The following ARMC3 variants were observed in gnomAD, a reference collection of about 807,000 sequenced individuals.
ARMC3 encodes the protein armadillo repeat containing 3, also known as armadillo repeat-containing protein 3.
In ARMC3, 74 loss-of-function variants were observed where a neutral mutation model predicts 90.3. That is an observed-to-expected ratio of 0.82 (90% confidence interval 0.68 to 0.99). The LOEUF (loss-of-function observed/expected upper bound fraction) is 0.99. Among genes scored for constraint, ARMC3 ranks in the 50% least tolerant of loss-of-function variants. The pLI is 0.00. For missense variants in ARMC3, 958 were observed against 1,042.8 expected, an observed-to-expected ratio of 0.92 and a Z score of 1.12; for synonymous variants, 334 against 361.8, an observed-to-expected ratio of 0.92 and a Z score of 0.87.
chr10:23,006,485 C>G (rs1837619808), intron 13 of ARMC3, among the ~76,000 whole-genome samples: 1 of 152,202 alleles, frequency 6.6e-6, no homozygotes, highest in African/African-American at 2.4e-5. Context: ...ACTGCCTGCA[C>G]AGGGCTTTGT....
At chr10:22,978,173 A>G (rs1836014463) in intron 8 of ARMC3, among the ~76,000 whole-genome samples, 1 of 152,146 alleles carries the variant, frequency 6.6e-6, no homozygotes. Context: ...TCCTACCTGT[A>G]TTTCTTGTTG....
chr10:23,009,589 C>T (rs566228736), intron 16 of ARMC3, among the ~76,000 whole-genome samples: 2 of 152,322 alleles, frequency 1.3e-5, no homozygotes, highest in South Asian at 4.2e-4. Flanking sequence ...ACCTCTGCCT[C>T]CCTGGTTCAA....
chr10:23,038,008 T>C lies in ARMC3; in HGVS notation c.*529T>C, dbSNP rs1839185844. On this transcript the variant is annotated 3_prime_UTR_variant, in exon 19 of 19. Transcript: ENST00000298032. ...TTCTAAAAATTTTTGTTTCTATTTTTAAAAATTCATCATTAAAAACACTTT... is the reference window on the plus strand; with the variant it reads ...TTCTAAAAATTTTTGTTTCTATTTTCAAAAATTCATCATTAAAAACACTTT... 1 of 152,264 alleles carries C rather than the reference T, an allele frequency of 6.6e-6. No homozygotes were observed. Among genetic ancestry groups the C allele is most frequent in the African/African-American group, 2.4e-5 (1 of 41,460 alleles). 9.4% of individuals were successfully genotyped at this position (152,264 alleles called of 1,614,324 possible). A position where few individuals can be genotyped will look rare whatever the true frequency, so the allele number is the denominator to read the frequency against.
chr10:22,963,922 C>CAAAAAAAAAAAA (rs35508443), intron 7 of ARMC3, among the ~76,000 whole-genome samples: 1 of 58,562 alleles, frequency 1.7e-5, no homozygotes, highest in Non-Finnish European at 2.9e-5. Context: ...CACACACACA[C>CAAAAAAAAAAAA]AAAAAAAAAA....
At chr10:22,955,043 G>A (rs1834873269) in intron 3 of ARMC3, among the ~76,000 whole-genome samples, 1 of 152,142 alleles carries the variant, frequency 6.6e-6, no homozygotes. Context: ...GAAGATGGAA[G>A]TCCCAGCTCA....
intron 4 of ARMC3, among the ~76,000 whole-genome samples, chr10:22,956,361 C>T (rs547692490): frequency 2.6e-4 from 40 of 152,060 alleles, no homozygotes; most frequent in Admixed American, 1.1e-3. Context: ...TTTAAATGTG[C>T]GTTTACCAAG....
chr10:22,936,416 G>C (rs1482327659), intron 2 of ARMC3, among the ~76,000 whole-genome samples: 2 of 152,146 alleles, frequency 1.3e-5, no homozygotes, highest in African/African-American at 4.8e-5. Flanking sequence ...CGTTTTCATT[G>C]CTGAAGTTCT....
chr10:23,014,194 A>C, intron 16 of ARMC3: 13 of 1,547,408 alleles, frequency 8.4e-6, no homozygotes, highest in Non-Finnish European at 1.1e-5. Context: ...ATTCAGACAC[A>C]ACTGGGCCTT....
chr10:23,010,875 CT>C (rs1837958710), intron 16 of ARMC3, among the ~76,000 whole-genome samples: 1 of 75,914 alleles, frequency 1.3e-5, no homozygotes, highest in Admixed American at 1.2e-4. Flanking sequence ...CTCTCCTCTC[CT>C]TCCCTTTCCC....
intron 16 of ARMC3, among the ~76,000 whole-genome samples, chr10:23,026,548 T>C (rs1221903010): frequency 6.6e-6 from 1 of 151,990 alleles, no homozygotes; most frequent in African/African-American, 2.4e-5. Flanking sequence ...ATGATGTTGA[T>C]AGGATAAAAA....
At chr10:22,978,352 C>A (rs943967537) in intron 8 of ARMC3, among the ~76,000 whole-genome samples, 3 of 152,162 alleles carry the variant, frequency 2.0e-5, no homozygotes, top group Non-Finnish European at 2.9e-5. Context: ...AGTGAATACC[C>A]AGCAAAGGGG....
chr10:22,999,180 A>G (rs4748832), intron 11 of ARMC3, among the ~76,000 whole-genome samples: 130,840 of 152,248 alleles, frequency 0.86, 56,559 homozygotes, highest in Non-Finnish European at 0.88. Context: ...AAAACATACA[A>G]TTGCATTTAT....
intron 1 of ARMC3, among the ~76,000 whole-genome samples, chr10:22,930,660 AG>A (rs1833893291): frequency 3.9e-5 from 6 of 152,206 alleles, no homozygotes; most frequent in Non-Finnish European, 8.8e-5. Flanking sequence ...AATTCTGGTC[AG>A]TGTCTCTAAT....
At chr10:22,996,061 G>T (rs1836936930) in intron 10 of ARMC3, among the ~76,000 whole-genome samples, 1 of 152,086 alleles carries the variant, frequency 6.6e-6, no homozygotes, top group African/African-American at 2.4e-5. Context: ...TTAAGGGGCT[G>T]ATTGCATTAA....
At chr10:22,994,858 C>A (rs1353902188) in intron 10 of ARMC3, among the ~76,000 whole-genome samples, 2 of 152,224 alleles carry the variant, frequency 1.3e-5, no homozygotes, top group Non-Finnish European at 2.9e-5. Flanking sequence ...AGCTTCACCT[C>A]TGTTTACATA....
intron 14 of ARMC3, 82 bp downstream of exon 14, chr10:23,007,063 A>C: frequency 1.7e-6 from 2 of 1,160,402 alleles, no homozygotes; most frequent in Non-Finnish European, 2.4e-6. Flanking sequence ...GTGAATATGC[A>C]AAGATTCCCA....
At chr10:22,988,804 A>G (rs931472843) in intron 10 of ARMC3, among the ~76,000 whole-genome samples, 3 of 152,246 alleles carry the variant, frequency 2.0e-5, no homozygotes, top group African/African-American at 7.2e-5. Flanking sequence ...CCAGTTACAC[A>G]GACCCACTTA....
At chr10:22,949,267 A>C (rs1362039696) in intron 3 of ARMC3, among the ~76,000 whole-genome samples, 1 of 152,222 alleles carries the variant, frequency 6.6e-6, no homozygotes, top group Admixed American at 6.5e-5. Context: ...AAAAATTACC[A>C]GGCATGAAAA....
In ARMC3 at chr10:23,037,376, G is replaced by A. The variant is rs781048593; in HGVS notation, c.2516G>A (p.Gly839Glu). The A allele has an allele frequency of 6.2e-7, 1 of 1,613,972 alleles. No homozygotes were observed. The highest frequency in any genetic ancestry group is 1.3e-5 in the African/African-American group (1 of 75,012). ...LQNDSRKGVI[G>E]GLPAPEMYVI... ...AATGACTCTCGGAAGGGAGTGATTG[G>A]GGGCCTCCCCGCTCCTGAGATGTAC... The change falls in exon 19 of 19, where the codon GGG becomes GAG. Residue 839 changes from glycine (G) to glutamate (E), a missense_variant. By Grantham distance (98) the Gly-to-Glu change is moderately conservative (BLOSUM62 -2). Transcript: ENST00000298032.
Sources: gnomAD v4.1 joint callset for allele counts (sites outside exome capture counted in the v4.1 genomes callset) on GRCh38, gnomAD v4.1.1 for gene constraint, MANE v1.5 for transcripts, NCBI Gene and HGNC (gene_info 2026-07-23, HGNC 2026-07-21) for gene names.